Variants in RFX4 observed in about 807,000 individuals in gnomAD.
The protein encoded by RFX4 is transcription factor RFX4.
Under a neutral mutation model 95.0 loss-of-function variants are expected in RFX4, and 10 were observed. The ratio of observed to expected loss-of-function variants is 0.11; its 90% CI spans 0.06 to 0.18. The LOEUF is 0.18. RFX4 is among the 10% of genes least tolerant of loss of function. The pLI is 1.00. For synonymous variants in RFX4, 321 were observed against 340.7 expected, an observed-to-expected ratio of 0.94 and a Z score of 0.64; for missense variants, 640 against 922.0, an observed-to-expected ratio of 0.69 and a Z score of 3.96.
chr12:106,702,034 A>G (rs1008607705), intron 8 of RFX4, among the ~76,000 whole-genome samples: 1 of 152,064 alleles, frequency 6.6e-6, no homozygotes, highest in Admixed American at 6.5e-5. Flanking sequence ...TATTATTAAT[A>G]TATTAATTTT....
At chr12:106,598,519 G>A (rs1289072612) in intron 1 of RFX4, among the ~76,000 whole-genome samples, 1 of 152,122 alleles carries the variant, frequency 6.6e-6, no homozygotes, top group Non-Finnish European at 1.5e-5. Context: ...GTGGGATTGT[G>A]GGAAAATATG....
chr12:106,616,624 A>G (rs1345138770), intron 2 of RFX4, among the ~76,000 whole-genome samples: 2 of 152,160 alleles, frequency 1.3e-5, no homozygotes, highest in African/African-American at 4.8e-5. Context: ...TGATGGATTC[A>G]ATTTTCTAAA....
intron 7 of RFX4, among the ~76,000 whole-genome samples, chr12:106,691,274 CTG>C (rs1279967551): frequency 2.0e-5 from 3 of 152,210 alleles, no homozygotes; most frequent in African/African-American, 7.2e-5. Flanking sequence ...TCTTTGTAAA[CTG>C]TAAAAGGTCA....
intron 7 of RFX4, among the ~76,000 whole-genome samples, chr12:106,691,549 A>G (rs942149398): frequency 6.6e-6 from 1 of 152,224 alleles, no homozygotes; most frequent in Non-Finnish European, 1.5e-5. Context: ...TGGTAAATGG[A>G]TGGTGGATGT....
chr12:106,761,096 C>A, intron 17 of RFX4, 101 bp from the exon 18 acceptor site: 1 of 1,238,742 alleles, frequency 8.1e-7, no homozygotes, highest in Non-Finnish European at 1.1e-6. Flanking sequence ...TCATTAATAG[C>A]ATCTTAAGAA....
chr12:106,659,316 T>G (rs1332563446), intron 4 of RFX4, among the ~76,000 whole-genome samples: 1 of 152,160 alleles, frequency 6.6e-6, no homozygotes, highest in Admixed American at 6.6e-5. Flanking sequence ...CATTCCCTCC[T>G]GCTCCTGGTC....
At chr12:106,754,382 C>T (rs1181938178) in intron 17 of RFX4, among the ~76,000 whole-genome samples, 2 of 152,214 alleles carry the variant, frequency 1.3e-5, no homozygotes, top group Admixed American at 6.5e-5. Context: ...ATTTATTTCT[C>T]AAATGGCTCC....
At chr12:106,645,514 G>T (rs1015777495) in intron 3 of RFX4, among the ~76,000 whole-genome samples, 1 of 152,060 alleles carries the variant, frequency 6.6e-6, no homozygotes, top group Non-Finnish European at 1.5e-5. Flanking sequence ...ATTGGGGGGA[G>T]ATTTTCCTTT....
At chr12:106,592,034 A>G (rs1463474503) in intron 1 of RFX4, among the ~76,000 whole-genome samples, 3 of 152,206 alleles carry the variant, frequency 2.0e-5, no homozygotes, top group Admixed American at 6.5e-5. Flanking sequence ...ACTACATTCT[A>G]GGATGGTTAT....
At chr12:106,728,448 T>C (rs1478683191) in intron 13 of RFX4, among the ~76,000 whole-genome samples, 1 of 152,110 alleles carries the variant, frequency 6.6e-6, no homozygotes, top group East Asian at 1.9e-4. Flanking sequence ...ATTGTGTGCC[T>C]GGCAATGTTG....
At chr12:106,601,674 C>A (rs915734391) in intron 1 of RFX4, among the ~76,000 whole-genome samples, 2 of 152,248 alleles carry the variant, frequency 1.3e-5, no homozygotes, top group African/African-American at 4.8e-5. Flanking sequence ...ACTGCTTGAA[C>A]ACCACGGCTG....
At chr12:106,744,318 T>G (rs2137598053) in intron 15 of RFX4, among the ~76,000 whole-genome samples, 1 of 152,268 alleles carries the variant, frequency 6.6e-6, no homozygotes, top group South Asian at 2.1e-4. Context: ...TGCTGGTGAG[T>G]AAGGACACTA....
chr12:106,718,979 G>A lies in RFX4; in HGVS notation c.1139-981G>A, dbSNP rs537755185. ...CAAAAAAAAAAAAAAAAAATTAGCC[G>A]GGTGTGGTGGCGGGCACCTGTAGTC... On this transcript the variant is annotated intron_variant, in intron 11 of 17. Coordinates refer to ENST00000392842, the MANE Select transcript of RFX4 (RefSeq NM_213594.3). 7.9e-5 allele frequency among the ~76,000 whole-genome samples: 12 copies of A among 151,428 alleles called. No individual in the cohort carries two copies. In the East Asian group the frequency reaches 1.2e-3, roughly 15 times the overall value.
At chr12:106,695,626 T>A (rs2041864500) in intron 7 of RFX4, among the ~76,000 whole-genome samples, 1 of 152,190 alleles carries the variant, frequency 6.6e-6, no homozygotes, top group South Asian at 2.1e-4. Flanking sequence ...AAAAAGTCAG[T>A]CACACACACT....
At chr12:106,753,053 A>C (rs1315487851) in intron 17 of RFX4, among the ~76,000 whole-genome samples, 3 of 151,508 alleles carry the variant, frequency 2.0e-5, no homozygotes, top group Non-Finnish European at 2.9e-5. Flanking sequence ...CACCCCCTAC[A>C]CTGCTGCTAG....
At chr12:106,679,893 A>G (rs2041471124) in intron 4 of RFX4, among the ~76,000 whole-genome samples, 1 of 152,226 alleles carries the variant, frequency 6.6e-6, no homozygotes, top group African/African-American at 2.4e-5. Context: ...ACTGCTAGAC[A>G]AAGTGTTTAA....
At chr12:106,622,021 G>A (rs2040196451) in intron 2 of RFX4, among the ~76,000 whole-genome samples, 1 of 152,116 alleles carries the variant, frequency 6.6e-6, no homozygotes, top group Admixed American at 6.5e-5. Context: ...CTTTATCATG[G>A]AGGGAACTGG....
intron 17 of RFX4, among the ~76,000 whole-genome samples, chr12:106,760,552 G>A (rs892468613): frequency 6.6e-6 from 1 of 151,828 alleles, no homozygotes; most frequent in African/African-American, 2.4e-5. Flanking sequence ...TCCTATTCAT[G>A]TATCTTCCAG....
chr12:106,704,629 G>A (rs1015051018), intron 8 of RFX4, among the ~76,000 whole-genome samples: 1 of 152,102 alleles, frequency 6.6e-6, no homozygotes, highest in Admixed American at 6.5e-5. Flanking sequence ...CAACTCAGAA[G>A]AGCATGTTGA....
Sources: gnomAD v4.1 joint callset for allele counts (sites outside exome capture counted in the v4.1 genomes callset) on GRCh38, gnomAD v4.1.1 for gene constraint, MANE v1.5 for transcripts, NCBI Gene and HGNC (gene_info 2026-07-23, HGNC 2026-07-21) for gene names.